Variants in CHN1 observed in about 807,000 individuals in gnomAD.
The protein encoded by CHN1 is chimerin 1.
A neutral mutation model predicts 59.5 loss-of-function variants in CHN1; 37 were observed. The ratio of observed to expected loss-of-function variants is 0.62; its 90% CI spans 0.48 to 0.82. CHN1 has a LOEUF of 0.82. CHN1 is among the 40% of genes least tolerant of loss of function. The pLI, the probability that CHN1 is intolerant of heterozygous loss-of-function variation, is 0.00. For synonymous variants in CHN1, 206 were observed against 200.4 expected (o/e 1.03, Z -0.24); for missense variants, 469 against 571.0 (o/e 0.82, Z 1.82).
chr2:174,876,874 CCATT>C (rs1176912079), intron 6 of CHN1, among the ~76,000 whole-genome samples: 1 of 152,108 alleles, frequency 6.6e-6, no homozygotes, highest in Admixed American at 6.6e-5. Context: ...AGCAATTTGA[CCATT>C]ATTACAATTT....
At chr2:174,823,710 T>A (rs1360686408) in intron 8 of CHN1, among the ~76,000 whole-genome samples, 1 of 152,078 alleles carries the variant, frequency 6.6e-6, no homozygotes, top group Non-Finnish European at 1.5e-5. Context: ...ATGGCCAGTA[T>A]TCAGTATAGT....
intron 1 of CHN1, among the ~76,000 whole-genome samples, chr2:174,956,353 CAAAA>C (rs1225381868): frequency 6.6e-6 from 1 of 151,884 alleles, no homozygotes; most frequent in African/African-American, 2.4e-5. Flanking sequence ...AGAAATTCTT[CAAAA>C]ACAGAGGGAA....
chr2:174,847,933 C>A (rs1319985610), intron 6 of CHN1, among the ~76,000 whole-genome samples: 2 of 152,054 alleles, frequency 1.3e-5, no homozygotes, highest in Admixed American at 1.3e-4. Flanking sequence ...GCACCACTGC[C>A]AGGTAAATTA....
chr2:174,914,484 G>T (rs148502210), intron 5 of CHN1, among the ~76,000 whole-genome samples: 1 of 152,070 alleles, frequency 6.6e-6, no homozygotes, highest in Non-Finnish European at 1.5e-5. Flanking sequence ...GACGGAAGCC[G>T]ACAAGCTAGA....
chr2:174,806,131 G>A (rs976074356), intron 11 of CHN1, among the ~76,000 whole-genome samples: 1 of 152,160 alleles, frequency 6.6e-6, no homozygotes, highest in African/African-American at 2.4e-5. Flanking sequence ...ACTGCAGGGG[G>A]AGGGAGTAAG....
At chr2:174,835,302 C>T (rs1686036507) in intron 7 of CHN1, among the ~76,000 whole-genome samples, 1 of 152,172 alleles carries the variant, frequency 6.6e-6, no homozygotes, top group Admixed American at 6.5e-5. Flanking sequence ...CTCTCTCTGG[C>T]TGCTTTTACA....
intron 8 of CHN1, 65 bp downstream of exon 8, chr2:174,824,369 C>G: frequency 1.2e-4 from 147 of 1,192,620 alleles, no homozygotes; most frequent in Non-Finnish European, 1.6e-4. Flanking sequence ...CAACAAGTCT[C>G]CTTCTACCTC....
At chr2:174,854,844 C>CCTA (rs1162666368) in intron 6 of CHN1, among the ~76,000 whole-genome samples, 2 of 152,108 alleles carry the variant, frequency 1.3e-5, no homozygotes, top group African/African-American at 4.8e-5. Context: ...GGATTAAAGA[C>CCTA]CTACGGCCAT....
chr2:174,962,464 G>A (rs535395828), intron 1 of CHN1, among the ~76,000 whole-genome samples: 18 of 152,160 alleles, frequency 1.2e-4, no homozygotes, highest in African/African-American at 4.1e-4. Context: ...GGTCTCAAGC[G>A]CTCACAACAC....
chr2:174,914,271 T>C (rs1688776159), intron 5 of CHN1, among the ~76,000 whole-genome samples: 3 of 152,202 alleles, frequency 2.0e-5, no homozygotes, highest in Admixed American at 2.0e-4. Flanking sequence ...TGGGTTATTA[T>C]TGCAGGGTTA....
chr2:174,882,918 G>C (rs561032699), intron 5 of CHN1, among the ~76,000 whole-genome samples: 1 of 152,292 alleles, frequency 6.6e-6, no homozygotes, highest in South Asian at 2.1e-4. Flanking sequence ...AGAGAGCATA[G>C]TTATATACAA....
chr2:174,993,572 A>G (rs1359643803), intron 1 of CHN1, among the ~76,000 whole-genome samples: 4 of 151,818 alleles, frequency 2.6e-5, no homozygotes, highest in African/African-American at 9.7e-5. Context: ...TGGTAATGGG[A>G]GGAGCACCAA....
intron 1 of CHN1, among the ~76,000 whole-genome samples, chr2:174,990,105 T>C (rs1363903133): frequency 1.3e-5 from 2 of 152,124 alleles, no homozygotes; most frequent in Non-Finnish European, 2.9e-5. Context: ...GAAGGCATCT[T>C]GAGCTGAATA....
chr2:174,987,421 T>A (rs966598351), intron 1 of CHN1, among the ~76,000 whole-genome samples: 11 of 151,388 alleles, frequency 7.3e-5, no homozygotes, highest in Non-Finnish European at 1.6e-4. Flanking sequence ...TTTTTTTTTT[T>A]ATTTGAGACA....
At chr2:174,906,314 G>A (rs1055169186) in intron 5 of CHN1, among the ~76,000 whole-genome samples, 6 of 152,064 alleles carry the variant, frequency 3.9e-5, no homozygotes, top group African/African-American at 1.2e-4. Context: ...CCACAACATG[G>A]ATAAACCTTG....
intron 1 of CHN1, among the ~76,000 whole-genome samples, chr2:174,962,897 G>A (rs570811641): frequency 1.3e-5 from 2 of 152,206 alleles, no homozygotes; most frequent in South Asian, 2.1e-4. Context: ...GCAACAGAGC[G>A]AGACCCTGTC....
intron 5 of CHN1, among the ~76,000 whole-genome samples, chr2:174,904,995 T>C (rs1179624502): frequency 1.3e-5 from 2 of 152,184 alleles, no homozygotes; most frequent in South Asian, 2.1e-4. Flanking sequence ...ATTATCACCT[T>C]GTATGGGTGC....
chr2:174,826,935 TG>T (rs200309670), intron 7 of CHN1, among the ~76,000 whole-genome samples: 5 of 152,246 alleles, frequency 3.3e-5, no homozygotes, highest in East Asian at 3.9e-4. Flanking sequence ...GAGGCTGGGT[TG>T]TTTTTTTTTG....
intron 1 of CHN1, among the ~76,000 whole-genome samples, chr2:174,984,964 A>G (rs1299898455): frequency 2.6e-5 from 4 of 152,212 alleles, no homozygotes; most frequent in Admixed American, 6.5e-5. Context: ...CAACTCTCTA[A>G]AATACATGGT....
Sources: allele counts gnomAD v4.1 joint callset (sites outside exome capture counted in the v4.1 genomes callset), GRCh38; gene constraint gnomAD v4.1.1; transcripts MANE v1.5; gene names NCBI Gene and HGNC (gene_info 2026-07-23, HGNC 2026-07-21).